CLVS1: variants seen among roughly 807,000 people sequenced by gnomAD.
CLVS1 encodes clavesin-1.
CLVS1 carries 10 observed loss-of-function variants against 33.1 expected under a neutral mutation model. The ratio of observed to expected loss-of-function variants is 0.30; its 90% CI spans 0.19 to 0.51. CLVS1 has a LOEUF of 0.51. CLVS1 is among the 20% of genes least tolerant of loss of function. CLVS1 has a pLI of 0.97. For missense variants in CLVS1, 343 were observed against 433.4 expected, an observed-to-expected ratio of 0.79 and a Z score of 1.85; for synonymous variants, 163 against 166.1, an observed-to-expected ratio of 0.98 and a Z score of 0.14.
At chr8:61,242,310 T>C (rs1808712951) in intron 2 of CLVS1, among the ~76,000 whole-genome samples, 1 of 152,200 alleles carries the variant, frequency 6.6e-6, no homozygotes, top group Non-Finnish European at 1.5e-5. Context: ...TTACTCCACA[T>C]ATTTCTGAGT....
At chr8:61,421,809 A>G (rs181193793) in intron 3 of CLVS1, among the ~76,000 whole-genome samples, 10 of 152,292 alleles carry the variant, frequency 6.6e-5, no homozygotes, top group African/African-American at 2.4e-4. Flanking sequence ...TGAAATGTGA[A>G]GAGAGAGCCA....
At position 61,348,115 on chromosome 8, in the gene CLVS1, G is replaced by A. The variant is rs541862997; in HGVS notation, c.456-28490G>A. ...TCCTTTAACCAACATCTCCCCAAAC[G>A]CAACCATTGTCCCCAAATCCCTGGT... On this transcript the variant is annotated intron_variant, in intron 2 of 5. Coordinates refer to ENST00000325897, the MANE Select transcript of CLVS1 (RefSeq NM_173519.3). 5.9e-5 allele frequency among the ~76,000 whole-genome samples: 9 copies of A among 151,880 alleles called. No individual in the cohort carries two copies. The South Asian group carries it at 6.3e-4, about 11-fold the overall frequency.
chr8:61,211,390 C>A (rs1223988399), intron 2 of CLVS1, among the ~76,000 whole-genome samples: 1 of 149,174 alleles, frequency 6.7e-6, no homozygotes, highest in Non-Finnish European at 1.5e-5. Flanking sequence ...TCTCTTCCTT[C>A]CCCCTTTACC....
At chr8:61,289,065 A>G (rs1809881647) in intron 1 of CLVS1, among the ~76,000 whole-genome samples, 2 of 152,034 alleles carry the variant, frequency 1.3e-5, no homozygotes, top group Admixed American at 6.5e-5. Context: ...AGCAAAGAAG[A>G]TAGATCCCTT....
the CLVS1 span, among the ~76,000 whole-genome samples, chr8:60,984,654 T>C: frequency 2.0e-5 from 3 of 152,156 alleles, no homozygotes; most frequent in Non-Finnish European, 4.4e-5. Context: ...ATTCACACCA[T>C]TAAAAATGCT....
chr8:61,198,627 G>T (rs760382886), intron 2 of CLVS1, among the ~76,000 whole-genome samples: 1 of 152,096 alleles, frequency 6.6e-6, no homozygotes, highest in African/African-American at 2.4e-5. Context: ...TGATCCACCC[G>T]CCTCGGCCTC....
At chr8:61,043,829 G>A in the CLVS1 span, among the ~76,000 whole-genome samples, 6 of 152,266 alleles carry the variant, frequency 3.9e-5, no homozygotes, top group South Asian at 6.2e-4. Context: ...AAATTCAGGG[G>A]TCTGCTACAT....
At chr8:61,174,858 C>T (rs1807083274) in intron 2 of CLVS1, among the ~76,000 whole-genome samples, 1 of 88,384 alleles carries the variant, frequency 1.1e-5, no homozygotes, top group Non-Finnish European at 2.5e-5. Flanking sequence ...CGTCAGCTTC[C>T]CTTATCATTA....
At chr8:61,130,674 A>G (rs4738868) in intron 1 of CLVS1, among the ~76,000 whole-genome samples, 76,414 of 152,106 alleles carry the variant, frequency 0.5, 20,984 homozygotes, top group African/African-American at 0.74. Context: ...TGACTGATTT[A>G]GTGACAGAAG....
chr8:61,444,373 T>C (rs1230550682), intron 3 of CLVS1, among the ~76,000 whole-genome samples: 2 of 152,204 alleles, frequency 1.3e-5, no homozygotes, highest in African/African-American at 4.8e-5. Flanking sequence ...TTTTGGCAGA[T>C]GTTTTAAAAT....
chr8:61,151,577 T>C (rs147139908), intron 2 of CLVS1, among the ~76,000 whole-genome samples: 1,714 of 152,206 alleles, frequency 0.011, 18 homozygotes, highest in Non-Finnish European at 0.015. Context: ...TTTTTGTGAA[T>C]GACAGGATAT....
chr8:61,070,419 C>G (rs1176504099), intron 1 of CLVS1, among the ~76,000 whole-genome samples: 2 of 152,174 alleles, frequency 1.3e-5, no homozygotes, highest in East Asian at 3.9e-4. Flanking sequence ...AATACTGTTC[C>G]TAAGGGCAAC....
rs1261707272 is a variant in CLVS1 at position 61,491,611 on chromosome 8, G to A, written c.978-7844G>A. 2.6e-5 allele frequency among the ~76,000 whole-genome samples: 4 copies of A among 152,282 alleles called. No homozygotes were observed. In the East Asian group the frequency reaches 7.7e-4, roughly 29 times the overall value. ...TGTTGCAATAGCAATTTCCCTGGAT[G>A]CTGTAACCTCACAGAAGAGGGAAAC... On this transcript the variant is annotated intron_variant, in intron 5 of 5. Coordinates refer to ENST00000325897, the MANE Select transcript of CLVS1 (RefSeq NM_173519.3).
intron 2 of CLVS1, among the ~76,000 whole-genome samples, chr8:61,341,389 G>C (rs1332855104): frequency 6.6e-6 from 1 of 152,158 alleles, no homozygotes; most frequent in Non-Finnish European, 1.5e-5. Context: ...TGTCCTCTGC[G>C]GTCCATTTTC....
chr8:61,492,530 G>T (rs886848192), intron 5 of CLVS1, among the ~76,000 whole-genome samples: 9 of 152,024 alleles, frequency 5.9e-5, no homozygotes, highest in Non-Finnish European at 1.0e-4. Context: ...TTTTGGGGGG[G>T]TCTTTCTTCT....
intron 5 of CLVS1, among the ~76,000 whole-genome samples, chr8:61,497,704 A>C (rs1030032964): frequency 6.6e-6 from 1 of 152,204 alleles, no homozygotes; most frequent in African/African-American, 2.4e-5. Flanking sequence ...AAGTCCATAG[A>C]GTAAAGTGAA....
intron 2 of CLVS1, among the ~76,000 whole-genome samples, chr8:61,272,411 C>T (rs1809460964): frequency 6.6e-6 from 1 of 151,882 alleles, no homozygotes. Context: ...ACCTTTCTCT[C>T]TGGCTGCCCT....
At chr8:61,131,380 C>T (rs1015594689) in intron 1 of CLVS1, among the ~76,000 whole-genome samples, 20 of 152,056 alleles carry the variant, frequency 1.3e-4, no homozygotes, top group African/African-American at 3.4e-4. Flanking sequence ...GAAGAGTTTG[C>T]GGAGTCAATT....
intron 2 of CLVS1, among the ~76,000 whole-genome samples, chr8:61,156,240 T>C (rs1403600484): frequency 2.1e-5 from 3 of 145,004 alleles, no homozygotes; most frequent in Non-Finnish European, 1.5e-5. Context: ...AAAAAGCCTT[T>C]GCTGGCTTTC....
Sources: gnomAD v4.1 joint callset for allele counts (sites outside exome capture counted in the v4.1 genomes callset) on GRCh38, gnomAD v4.1.1 for gene constraint, MANE v1.5 for transcripts, NCBI Gene and HGNC (gene_info 2026-07-23, HGNC 2026-07-21) for gene names.